Variants in PPIP5K2 observed in about 807,000 individuals in gnomAD.
PPIP5K2 encodes inositol hexakisphosphate and diphosphoinositol-pentakisphosphate kinase 2.
PPIP5K2 carries 105 observed loss-of-function variants against 154.6 expected under a neutral mutation model. The ratio of observed to expected loss-of-function variants is 0.68; its 90% CI spans 0.58 to 0.80. The LOEUF (loss-of-function observed/expected upper bound fraction) is 0.80. Ranked by LOEUF, PPIP5K2 falls within the 30% of genes least tolerant of loss-of-function variation. The pLI is 0.00. For synonymous variants in PPIP5K2, 480 were observed against 490.3 expected, an observed-to-expected ratio of 0.98 and a Z score of 0.28; for missense variants, 992 against 1,504.6, an observed-to-expected ratio of 0.66 and a Z score of 5.64.
At chr5:103,167,111 T>C in intron 17 of PPIP5K2, 68 bp from the exon 18 acceptor site, 1 of 1,214,292 alleles carries the variant, frequency 8.2e-7, no homozygotes, top group Non-Finnish European at 1.1e-6. Context: ...AAATTTTGTA[T>C]ATATATATTG....
chr5:103,173,895 C>A lies in PPIP5K2; in HGVS notation c.2452C>A (p.Arg818Ser). 1 of 1,608,338 alleles carries A rather than the reference C, an allele frequency of 6.2e-7. No individual in the cohort carries two copies. The highest frequency in any genetic ancestry group is 1.1e-5 in the South Asian group (1 of 90,862). ...TGTTCTGTCTCCTGAACGTCATGTT[C>A]GTACTAGATTATATTTTACCAGTGA... ...RGVLSPERHV[R>S]TRLYFTSESH... is the part of the protein sequence containing the mutation. The change falls in exon 21 of 31, where the codon CGT becomes AGT. Residue 818 changes from arginine to serine, a missense_variant. Arg to Ser is a moderately radical substitution (Grantham distance 110, BLOSUM62 -1). This residue lies in a region of PPIP5K2 where 157 missense variants were observed against 281.2 expected (regional missense o/e 0.56). Transcript: ENST00000358359.
At chr5:103,158,070 A>G in intron 14 of PPIP5K2, 118 bp from the exon 15 acceptor site, 1 of 1,100,410 alleles carries the variant, frequency 9.1e-7, no homozygotes, top group Non-Finnish European at 1.3e-6. Flanking sequence ...AAGGAAGAAA[A>G]TATCTTACAT....
chr5:103,170,007 T>C (rs1797729173), intron 19 of PPIP5K2, among the ~76,000 whole-genome samples: 1 of 151,560 alleles, frequency 6.6e-6, no homozygotes, highest in Non-Finnish European at 1.5e-5. Context: ...TGCCATTGCA[T>C]TGCTTATTTA....
In PPIP5K2 at chr5:103,202,745, G is replaced by A. The variant is rs905709760; in HGVS notation, c.*1111G>A. The A allele has an allele frequency of 2.0e-5, 3 of 152,032 alleles. No homozygotes were observed. The highest frequency in any genetic ancestry group is 4.4e-5 in the Non-Finnish European group (3 of 67,978). The allele number at this position is 152,032 out of a possible 1,614,324, so 9.4% of individuals were successfully genotyped here. A position where few individuals can be genotyped will look rare whatever the true frequency, so the allele number is the denominator to read the frequency against. ...CCCCCCCACCAATGCACAAATAATT[G>A]TGAACAGCTTGAAATGACTTAAACT... is the stretch of plus-strand genomic sequence containing the variant. On this transcript the variant is annotated 3_prime_UTR_variant, in exon 31 of 31. Coordinates refer to ENST00000358359, the MANE Select transcript of PPIP5K2 (RefSeq NM_001276277.3).
rs990687750 is a variant in PPIP5K2 at position 103,143,336 on chromosome 5, A to G, written c.488-3191A>G. Among the ~76,000 whole-genome samples the G allele has an allele frequency of 2.0e-5, 3 of 152,274 alleles. No individual in the cohort carries two copies. In the South Asian group the frequency reaches 6.2e-4, roughly 32 times the overall value. ...TTCCTGAGTAGCTGGGACTACAAGC[A>G]CAAGCCACCAGACCCAAGTAATTAT... On this transcript the variant is annotated intron_variant, in intron 5 of 30. Coordinates refer to ENST00000358359, the MANE Select transcript of PPIP5K2 (RefSeq NM_001276277.3).
chr5:103,126,486 T>A (rs1010022678), intron 1 of PPIP5K2, among the ~76,000 whole-genome samples: 33 of 152,196 alleles, frequency 2.2e-4, no homozygotes, highest in African/African-American at 7.5e-4. Context: ...TTGAAAAGAC[T>A]ATGTATTAGT....
intron 20 of PPIP5K2, 53 bp from the exon 21 acceptor site, chr5:103,173,805 G>A (rs1798318754): frequency 6.3e-6 from 7 of 1,119,366 alleles, no homozygotes; most frequent in Non-Finnish European, 9.2e-6. Context: ...TCAATATTTA[G>A]TGAGTTTTTG....
intron 29 of PPIP5K2, among the ~76,000 whole-genome samples, chr5:103,194,406 G>T (rs535932064): frequency 1.3e-5 from 2 of 152,120 alleles, no homozygotes; most frequent in Non-Finnish European, 2.9e-5. Context: ...CTCCTGCCTT[G>T]CCTAACTAAA....
At position 103,183,328 on chromosome 5, in the gene PPIP5K2, C is replaced by CA. The variant is rs782342419; in HGVS notation, c.3018dup (p.Gly1007ArgfsTer30). 1 of 1,608,348 alleles carries CA rather than the reference C, an allele frequency of 6.2e-7. No homozygotes were observed. The highest frequency in any genetic ancestry group is 2.3e-5 in the East Asian group (1 of 44,196). Reference sequence around the variant, plus strand: ...GGTACTGGGCGTCGAAGACGCAGATCAGGGGAACAAATCACTTCTTCCCCT... The same window carrying CA: ...GGTACTGGGCGTCGAAGACGCAGATCAAGGGGAACAAATCACTTCTTCCCCT... On this transcript the variant is annotated frameshift_variant, in exon 25 of 31. Coordinates refer to ENST00000358359, the MANE Select transcript of PPIP5K2 (RefSeq NM_001276277.3). LOFTEE classifies it high-confidence loss of function.
chr5:103,185,405 G>T (rs1248428330), intron 26 of PPIP5K2, among the ~76,000 whole-genome samples: 1 of 152,108 alleles, frequency 6.6e-6, no homozygotes, highest in African/African-American at 2.4e-5. Context: ...AGATCTCGTT[G>T]TAAGTTTATG....
At chr5:103,166,014 C>A (rs1297661468) in intron 17 of PPIP5K2, among the ~76,000 whole-genome samples, 1 of 151,984 alleles carries the variant, frequency 6.6e-6, no homozygotes, top group African/African-American at 2.4e-5. Context: ...GGATGAAGAT[C>A]CCAAAGCATT....
At chr5:103,133,362 G>A (rs922403062) in intron 2 of PPIP5K2, 91 bp from the exon 3 acceptor site, 39 of 968,006 alleles carry the variant, frequency 4.0e-5, no homozygotes, top group Admixed American at 3.3e-5. Context: ...TTAATCACAT[G>A]CCTTATCTAC....
chr5:103,208,872 T>A lies in PPIP5K2; in HGVS notation c.*7238T>A, dbSNP rs1803654462. 6.6e-6 allele frequency: 1 copy of A among 152,180 alleles called. No individual in the cohort carries two copies. The highest frequency in any genetic ancestry group is 1.5e-5 in the Non-Finnish European group (1 of 68,044). The allele number at this position is 152,180 out of a possible 1,614,324, so 9.4% of individuals were successfully genotyped here. On this transcript the variant is annotated 3_prime_UTR_variant, in exon 31 of 31. Coordinates refer to ENST00000358359, the MANE Select transcript of PPIP5K2 (RefSeq NM_001276277.3). ...GTCTTCTAGTTTTGTTGAAGATAGT[T>A]TATGTTTCTCTTCATATTTGATGAT...
rs1803533094 is a variant in PPIP5K2 at position 103,206,716 on chromosome 5, G to C, written c.*5082G>C. 1 of 152,122 alleles carries C rather than the reference G, an allele frequency of 6.6e-6. No homozygotes were observed. The highest frequency in any genetic ancestry group is 2.1e-4 in the South Asian group (1 of 4,828). The allele number at this position is 152,122 out of a possible 1,614,324, so 9.4% of individuals were successfully genotyped here. A position where few individuals can be genotyped will look rare whatever the true frequency, so the allele number is the denominator to read the frequency against. On this transcript the variant is annotated 3_prime_UTR_variant, in exon 31 of 31. Transcript: ENST00000358359. The stretch of plus-strand genomic sequence containing the variant: ...CTTACTATGATAAAATTATAAGCAA[G>C]AGACCAAAAAGGAAAGTAGGGCCAG...
intron 17 of PPIP5K2, among the ~76,000 whole-genome samples, chr5:103,164,458 G>T (rs1554217100): frequency 6.6e-6 from 1 of 151,924 alleles, no homozygotes; most frequent in Non-Finnish European, 1.5e-5. Context: ...TACTTACTAA[G>T]TTATTAATGT....
intron 19 of PPIP5K2, among the ~76,000 whole-genome samples, chr5:103,170,008 T>C (rs1400167804): frequency 6.6e-6 from 1 of 151,576 alleles, no homozygotes; most frequent in African/African-American, 2.4e-5. Flanking sequence ...GCCATTGCAT[T>C]GCTTATTTAA....
Position 103,120,314 on chromosome 5 carries a change from G to T in PPIP5K2, c.-459G>T, listed in dbSNP as rs1788428266. On this transcript the variant is annotated 5_prime_UTR_variant, in exon 1 of 31. Transcript: ENST00000358359. ...GATTCCTGAGGTGTAGTAGCCTGAG[G>T]TTCCCTTATGTGGCCCTATAGCTGT... The T allele has an allele frequency of 2.4e-6, 1 of 418,636 alleles. No individual in the cohort carries two copies. The highest frequency in any genetic ancestry group is 4.9e-6 in the Non-Finnish European group (1 of 203,678). 25.9% of individuals were successfully genotyped at this position (418,636 alleles called of 1,614,324 possible). A position where few individuals can be genotyped will look rare whatever the true frequency, so the allele number is the denominator to read the frequency against.
chr5:103,162,907 C>G (rs1796540250), intron 17 of PPIP5K2, among the ~76,000 whole-genome samples: 1 of 152,044 alleles, frequency 6.6e-6, no homozygotes, highest in African/African-American at 2.4e-5. Context: ...TCCCCTGCAA[C>G]TATATATACA....
intron 17 of PPIP5K2, among the ~76,000 whole-genome samples, chr5:103,165,325 A>G (rs1438316248): frequency 6.6e-6 from 1 of 152,134 alleles, no homozygotes; most frequent in Non-Finnish European, 1.5e-5. Flanking sequence ...ATTCGTGTAT[A>G]ACTTTTGACT....
Sources: gnomAD v4.1 joint callset for allele counts (sites outside exome capture counted in the v4.1 genomes callset) on GRCh38, gnomAD v4.1.1 for gene constraint, gnomAD v4.1.1 regional missense constraint, MANE v1.5 for transcripts, NCBI Gene and HGNC (gene_info 2026-07-23, HGNC 2026-07-21) for gene names.